KATNBL1: variants seen among roughly 807,000 people sequenced by gnomAD.
KATNBL1 encodes the protein katanin regulatory subunit B1 like 1.
A neutral mutation model predicts 44.7 loss-of-function variants in KATNBL1; 28 were observed. The ratio of observed to expected loss-of-function variants is 0.63; its 90% CI spans 0.46 to 0.86. KATNBL1 has a LOEUF of 0.86. Ranked by LOEUF, KATNBL1 falls within the 40% of genes least tolerant of loss-of-function variation. The pLI is 0.00. For missense variants in KATNBL1, 272 were observed against 350.7 expected (o/e 0.78, Z 1.79); for synonymous variants, 78 against 114.9 (o/e 0.68, Z 2.06).
intron 4 of KATNBL1, among the ~76,000 whole-genome samples, 176 bp from the exon 5 acceptor site, chr15:34,148,926 T>G (rs1419405739): frequency 6.6e-6 from 1 of 152,196 alleles, no homozygotes; most frequent in East Asian, 1.9e-4. Context: ...CTGAACAAAT[T>G]TAAGACCCAT....
At chr15:34,162,124 T>C (rs1001177014) in intron 2 of KATNBL1, among the ~76,000 whole-genome samples, 2 of 152,216 alleles carry the variant, frequency 1.3e-5, no homozygotes, top group Admixed American at 6.5e-5. Context: ...ACATCATATG[T>C]AGTTATTTTT....
intron 1 of KATNBL1, among the ~76,000 whole-genome samples, chr15:34,194,668 CAA>C (rs1889984032): frequency 6.6e-6 from 1 of 152,102 alleles, no homozygotes; most frequent in African/African-American, 2.4e-5. Context: ...AAAGAATCAA[CAA>C]AGTGAACAGA....
chr15:34,142,872 C>T (rs900828635), intron 9 of KATNBL1: 20 of 336,932 alleles, frequency 5.9e-5, no homozygotes, highest in African/African-American at 3.2e-4. Flanking sequence ...CCACCACGCC[C>T]GGCTAATTTT....
intron 1 of KATNBL1, among the ~76,000 whole-genome samples, chr15:34,206,460 C>A (rs1890294239): frequency 6.6e-6 from 1 of 152,070 alleles, no homozygotes; most frequent in Non-Finnish European, 1.5e-5. Context: ...CTTAGATGAG[C>A]AAGAAATAGT....
At position 34,152,881 on chromosome 15, in the gene KATNBL1, T is replaced by C; in HGVS notation, c.347A>G (p.His116Arg). ...GTTAACCAAATATGTTCGACTATCATGGTGTAATTTTTCAGGCAGGTGGCC... is the reference window on the plus strand; with the variant it reads ...GTTAACCAAATATGTTCGACTATCACGGTGTAATTTTTCAGGCAGGTGGCC... ...CAGHLPEKLHHDSRTYLVNSS... is the reference protein window; with the variant it reads ...CAGHLPEKLHRDSRTYLVNSS... Residue 116 changes from histidine (H) to arginine (R), a missense_variant, in exon 4 of 10, where the codon CAT becomes CGT. By Grantham distance (29) the His-to-Arg change is conservative (BLOSUM62 0). This residue lies in a region of KATNBL1 where 111 missense variants were observed against 149.3 expected (regional missense o/e 0.74). Transcript: ENST00000256544. The C allele has an allele frequency of 6.2e-7, 1 of 1,613,990 alleles. No homozygotes were observed. The highest frequency in any genetic ancestry group is 8.5e-7 in the Non-Finnish European group (1 of 1,179,852).
At chr15:34,193,851 C>CAAGAAAAA (rs1889957266) in intron 1 of KATNBL1, among the ~76,000 whole-genome samples, 1 of 63,552 alleles carries the variant, frequency 1.6e-5, no homozygotes, top group Non-Finnish European at 2.8e-5. Flanking sequence ...GGCCCTGTCT[C>CAAGAAAAA]AAAAAAAAAA....
intron 1 of KATNBL1, among the ~76,000 whole-genome samples, chr15:34,196,422 A>T (rs1890031458): frequency 6.6e-6 from 1 of 151,958 alleles, no homozygotes; most frequent in Non-Finnish European, 1.5e-5. Context: ...TGTCTCAAAA[A>T]TAAAATAAAA....
intron 1 of KATNBL1, among the ~76,000 whole-genome samples, chr15:34,186,226 T>C (rs1255893437): frequency 1.3e-5 from 2 of 152,200 alleles, no homozygotes; most frequent in African/African-American, 4.8e-5. Flanking sequence ...GCCACCATCA[T>C]GCCAGTTGCA....
At chr15:34,173,996 G>T (rs904969388) in intron 1 of KATNBL1, among the ~76,000 whole-genome samples, 1 of 152,092 alleles carries the variant, frequency 6.6e-6, no homozygotes, top group Non-Finnish European at 1.5e-5. Context: ...ACAAACAAAT[G>T]ATGAAAGAAG....
At chr15:34,198,061 C>A (rs1393193295) in intron 1 of KATNBL1, among the ~76,000 whole-genome samples, 1 of 152,032 alleles carries the variant, frequency 6.6e-6, no homozygotes, top group African/African-American at 2.4e-5. Flanking sequence ...AGCCGAGTTT[C>A]TTTTCTTGAC....
chr15:34,143,675 C>T lies in KATNBL1; in HGVS notation c.883-1304G>A, dbSNP rs369308231. Among the ~76,000 whole-genome samples, 339 of 150,952 alleles carry T rather than the reference C, an allele frequency of 2.2e-3. 1 individual carries two copies. Among genetic ancestry groups the T allele is most frequent in the African/African-American group, 7.7e-3 (316 of 41,032 alleles). ...ATCATTAAGAATTCTATAGGCCAGG[C>T]GCAGTGGCTCACGCCTGTAATCCCA... On this transcript the variant is annotated intron_variant, in intron 9 of 9. Coordinates refer to ENST00000256544, the MANE Select transcript of KATNBL1 (RefSeq NM_024713.3).
At chr15:34,178,120 G>A (rs1889391109) in intron 1 of KATNBL1, 1 of 152,120 alleles carries the variant, frequency 6.6e-6, no homozygotes, top group South Asian at 2.1e-4. Flanking sequence ...CAGATCACAG[G>A]ACGTAGAATA....
intron 1 of KATNBL1, among the ~76,000 whole-genome samples, chr15:34,181,853 G>GTCCATATGTATA (rs1889571518): frequency 1.3e-5 from 1 of 75,016 alleles, no homozygotes; most frequent in Admixed American, 1.3e-4. Context: ...CATATATATA[G>GTCCATATGTATA]TCCATATATA....
chr15:34,144,434 A>G (rs1414572837), intron 9 of KATNBL1, among the ~76,000 whole-genome samples: 1 of 150,722 alleles, frequency 6.6e-6, no homozygotes, highest in Non-Finnish European at 1.5e-5. Flanking sequence ...ATATATATAT[A>G]TATTTTTAAA....
intron 1 of KATNBL1, among the ~76,000 whole-genome samples, chr15:34,169,244 T>C (rs575718015): frequency 1.3e-5 from 2 of 152,092 alleles, no homozygotes; most frequent in Admixed American, 6.6e-5. Context: ...GCAATAAAAA[T>C]TGATAAAGGG....
rs542247649 is a variant in KATNBL1 at position 34,174,641 on chromosome 15, GA to G, written c.-14-10952del. Among the ~76,000 whole-genome samples, 604 of 151,436 alleles carry G rather than the reference GA, an allele frequency of 4.0e-3. 6 individuals are homozygous for G. The highest frequency in any genetic ancestry group is 0.014 in the African/African-American group (583 of 41,358). ...CATGCAGAAAGTAAAAGGAAGGGGGGAAAAAAGTATCATGCAAATACTAACT... is the reference window on the plus strand; with the variant it reads ...CATGCAGAAAGTAAAAGGAAGGGGGGAAAAAGTATCATGCAAATACTAACT... On this transcript the variant is annotated intron_variant, in intron 1 of 9. Transcript: ENST00000256544.
At chr15:34,159,256 C>T (rs1310044732) in intron 2 of KATNBL1, among the ~76,000 whole-genome samples, 3 of 152,118 alleles carry the variant, frequency 2.0e-5, no homozygotes, top group African/African-American at 7.2e-5. Flanking sequence ...CTATGGGCTG[C>T]CGGTGGCCCC....
chr15:34,167,538 T>C (rs1889017686), intron 1 of KATNBL1, among the ~76,000 whole-genome samples: 1 of 152,148 alleles, frequency 6.6e-6, no homozygotes, highest in Non-Finnish European at 1.5e-5. Flanking sequence ...TATTATTCAG[T>C]AGAACTTCCC....
chr15:34,190,314 T>C (rs945609167), intron 1 of KATNBL1, among the ~76,000 whole-genome samples: 2 of 152,146 alleles, frequency 1.3e-5, no homozygotes, highest in Non-Finnish European at 2.9e-5. Context: ...CCAATGAATA[T>C]GAATAATGAG....
Sources: allele counts gnomAD v4.1 joint callset (sites outside exome capture counted in the v4.1 genomes callset), GRCh38; gene constraint gnomAD v4.1.1; regional missense constraint gnomAD v4.1.1; transcripts MANE v1.5; gene names NCBI Gene and HGNC (gene_info 2026-07-23, HGNC 2026-07-21).